Variants in TMPRSS15 observed in about 807,000 individuals in gnomAD.
TMPRSS15 encodes transmembrane serine protease 15, also known as enteropeptidase.
In TMPRSS15, 128 loss-of-function variants were observed where a neutral mutation model predicts 125.3. The observed-to-expected ratio is 1.02, with a 90% CI of 0.89 to 1.18. The LOEUF is 1.18. Ranked by LOEUF, TMPRSS15 falls within the 50% of genes most tolerant of loss-of-function variation. The pLI is 0.00. For missense variants in TMPRSS15, 1,283 were observed against 1,212.7 expected, an observed-to-expected ratio of 1.06 and a Z score of -0.86; for synonymous variants, 446 against 423.2, an observed-to-expected ratio of 1.05 and a Z score of -0.66.
chr21:18,445,966 G>A (rs565191478), intron 1 of TMPRSS15, among the ~76,000 whole-genome samples: 1 of 152,222 alleles, frequency 6.6e-6, no homozygotes, highest in East Asian at 1.9e-4. Flanking sequence ...AGAGCCATCA[G>A]GCAAGAGAAA....
chr21:18,372,751 G>A (rs2075804628), intron 5 of TMPRSS15, among the ~76,000 whole-genome samples: 1 of 152,096 alleles, frequency 6.6e-6, no homozygotes. Flanking sequence ...TTGTTCCTTG[G>A]GTCAGAGATT....
chr21:18,464,951 CAAGAA>C (rs1978628590), intron 1 of TMPRSS15, among the ~76,000 whole-genome samples: 1 of 152,088 alleles, frequency 6.6e-6, no homozygotes, highest in Admixed American at 6.6e-5. Context: ...GGCAGAGACA[CAAGAA>C]AAGAAGAAAA....
intron 1 of TMPRSS15, among the ~76,000 whole-genome samples, chr21:18,450,484 C>G (rs2076265772): frequency 1.3e-5 from 2 of 152,134 alleles, no homozygotes; most frequent in Admixed American, 1.3e-4. Flanking sequence ...ATTATACCAT[C>G]CCTTGACAAT....
At chr21:18,384,797 T>G (rs2075927906) in intron 3 of TMPRSS15, among the ~76,000 whole-genome samples, 1 of 152,212 alleles carries the variant, frequency 6.6e-6, no homozygotes, top group Admixed American at 6.5e-5. Context: ...GAGTTATATA[T>G]TCTTGTGATA....
intron 13 of TMPRSS15, 83 bp downstream of exon 13, chr21:18,341,330 C>A (rs558654435): frequency 6.4e-7 from 1 of 1,564,472 alleles, no homozygotes; most frequent in South Asian, 1.1e-5. Flanking sequence ...TTCAGCCTCC[C>A]GAAGTGCTGG....
intron 13 of TMPRSS15, among the ~76,000 whole-genome samples, chr21:18,340,362 G>C (rs959637116): frequency 2.0e-5 from 3 of 152,122 alleles, no homozygotes; most frequent in African/African-American, 7.2e-5. Context: ...ACCTACACCT[G>C]GTTGCCAGAG....
intron 5 of TMPRSS15, among the ~76,000 whole-genome samples, chr21:18,377,146 TAAG>T (rs1222284359): frequency 6.6e-6 from 1 of 152,110 alleles, no homozygotes; most frequent in Non-Finnish European, 1.5e-5. Context: ...GATTCACTAA[TAAG>T]AAAAAGAATA....
chr21:18,484,894 C>A (rs1193264613), intron 1 of TMPRSS15, among the ~76,000 whole-genome samples: 2 of 151,576 alleles, frequency 1.3e-5, no homozygotes, highest in African/African-American at 4.8e-5. Flanking sequence ...CCTTAACTGT[C>A]CTTAGCTCCT....
At chr21:18,424,887 T>A (rs1482065442) in intron 1 of TMPRSS15, among the ~76,000 whole-genome samples, 1 of 149,282 alleles carries the variant, frequency 6.7e-6, no homozygotes, top group Non-Finnish European at 1.5e-5. Flanking sequence ...AGAATATATG[T>A]ATTCATATAT....
chr21:18,414,818 G>A (rs2076176071), intron 1 of TMPRSS15, among the ~76,000 whole-genome samples: 1 of 152,060 alleles, frequency 6.6e-6, no homozygotes, highest in African/African-American at 2.4e-5. Context: ...TAATAAACGT[G>A]GGACAGAGAT....
chr21:18,438,023 A>C (rs903658872), intron 1 of TMPRSS15, among the ~76,000 whole-genome samples: 6 of 151,620 alleles, frequency 4.0e-5, no homozygotes, highest in African/African-American at 1.5e-4. Flanking sequence ...AGACACATAC[A>C]CACGTATGTT....
chr21:18,476,169 A>G (rs911530422), intron 1 of TMPRSS15, among the ~76,000 whole-genome samples: 7 of 152,168 alleles, frequency 4.6e-5, no homozygotes, highest in Non-Finnish European at 1.0e-4. Context: ...TTTTATCTGA[A>G]TCATATTTCT....
chr21:18,275,799 G>A (rs562924782), intron 23 of TMPRSS15, among the ~76,000 whole-genome samples: 3 of 152,288 alleles, frequency 2.0e-5, no homozygotes, highest in East Asian at 1.9e-4. Context: ...GGTGCACATC[G>A]AGCAGAGGAC....
chr21:18,362,001 T>G lies in TMPRSS15; in HGVS notation c.774-2138A>C, dbSNP rs1290175743. 2.0e-5 allele frequency among the ~76,000 whole-genome samples: 3 copies of G among 152,210 alleles called. No individual in the cohort carries two copies. The East Asian group carries it at 5.8e-4, about 29-fold the overall frequency. ...TGAGAAGCTCCAAGGGCGATTATGA[T>G]GAGCTCTTAGGTTTGAGGGCCCTTG... On this transcript the variant is annotated intron_variant, in intron 7 of 24. Transcript: ENST00000284885.
intron 18 of TMPRSS15, among the ~76,000 whole-genome samples, chr21:18,306,669 T>A (rs1285405031): frequency 6.7e-6 from 1 of 149,850 alleles, no homozygotes; most frequent in Non-Finnish European, 1.5e-5. Flanking sequence ...AGAAATGATG[T>A]TTTTTTCTAG....
At chr21:18,405,741 T>C (rs150714204), upstream of TMPRSS15, among the ~76,000 whole-genome samples, 304 of 152,274 alleles carry the variant, frequency 2.0e-3, no homozygotes, top group African/African-American at 7.0e-3. Flanking sequence ...TGAAGAGACA[T>C]AAATTCCAGG....
At chr21:18,464,190 AAAAAAAAG>A in intron 1 of TMPRSS15, among the ~76,000 whole-genome samples, 1 of 151,300 alleles carries the variant, frequency 6.6e-6, no homozygotes, top group Non-Finnish European at 1.5e-5. Flanking sequence ...AAAAAAAAAA[AAAAAAAAG>A]TTCTTTGAAA....
chr21:18,480,303 T>G lies in TMPRSS15; in HGVS notation c.10+5496A>C, dbSNP rs1006528306. ...CTGGGAAAACTTTTAGTCTTGTTCA[T>G]GTATGGATTTTTAAACAACTAGCTC... On this transcript the variant is annotated intron_variant, in intron 1 of 7. Coordinates refer to the TMPRSS15 transcript ENST00000422787. Among the ~76,000 whole-genome samples, 5 of 151,936 alleles carry G rather than the reference T, an allele frequency of 3.3e-5. No homozygotes were observed. In the South Asian group the frequency reaches 1.0e-3, roughly 31 times the overall value.
At chr21:18,438,996 T>G (rs937961624) in intron 1 of TMPRSS15, among the ~76,000 whole-genome samples, 1 of 152,178 alleles carries the variant, frequency 6.6e-6, no homozygotes, top group Non-Finnish European at 1.5e-5. Context: ...GGCTCTGAAT[T>G]CTTTCTTATA....
Sources: gnomAD v4.1 joint callset for allele counts (sites outside exome capture counted in the v4.1 genomes callset) on GRCh38, gnomAD v4.1.1 for gene constraint, MANE v1.5 for transcripts, NCBI Gene and HGNC (gene_info 2026-07-23, HGNC 2026-07-21) for gene names.